Variants in CDH23 observed in about 807,000 individuals in gnomAD.
The protein encoded by CDH23 is cadherin-23.
A neutral mutation model predicts 317.1 loss-of-function variants in CDH23; 189 were observed. The ratio of observed to expected loss-of-function variants is 0.60; its 90% CI spans 0.53 to 0.67. CDH23 has a LOEUF of 0.67. CDH23 is among the 30% of genes least tolerant of loss of function. CDH23 has a pLI of 0.00. For missense variants in CDH23, 4,401 were observed against 4,592.4 expected (o/e 0.96, Z 1.20); for synonymous variants, 1,839 against 1,876.8 (o/e 0.98, Z 0.52).
At chr10:71,490,222 T>TAA (rs1253758151) in intron 3 of CDH23, among the ~76,000 whole-genome samples, 1 of 152,240 alleles carries the variant, frequency 6.6e-6, no homozygotes, top group African/African-American at 2.4e-5. Context: ...TCAGCTCATT[T>TAA]ATTCATTTAA....
chr10:71,793,144 C>T (rs1419172417), intron 47 of CDH23, 38 bp from the exon 48 acceptor site: 8 of 1,477,556 alleles, frequency 5.4e-6, no homozygotes, highest in Non-Finnish European at 6.5e-6. Flanking sequence ...CTGGAAGAGG[C>T]CACTGTGCGC....
At chr10:71,447,153 A>C (rs1850210974) in intron 3 of CDH23, among the ~76,000 whole-genome samples, 1 of 152,130 alleles carries the variant, frequency 6.6e-6, no homozygotes, top group Non-Finnish European at 1.5e-5. Context: ...CCATCTCTAC[A>C]TGTGCAAAGG....
At chr10:71,474,823 C>G (rs949221507) in intron 3 of CDH23, among the ~76,000 whole-genome samples, 1 of 152,256 alleles carries the variant, frequency 6.6e-6, no homozygotes, top group Non-Finnish European at 1.5e-5. Context: ...AGAGCCCCGG[C>G]TAGCAGGCCG....
intron 14 of CDH23, among the ~76,000 whole-genome samples, chr10:71,653,385 G>A (rs1051410807): frequency 6.6e-6 from 1 of 152,232 alleles, no homozygotes; most frequent in Non-Finnish European, 1.5e-5. Flanking sequence ...CCTCTGCTCT[G>A]TAACTGTCAG....
At chr10:71,679,840 C>G (rs1589325262) in intron 17 of CDH23, among the ~76,000 whole-genome samples, 1 of 152,216 alleles carries the variant, frequency 6.6e-6, no homozygotes, top group African/African-American at 2.4e-5. Context: ...AGCCAAGACT[C>G]CCTACTTTTT....
chr10:71,777,228 G>T (rs10999995), intron 38 of CDH23, among the ~76,000 whole-genome samples: 3 of 152,166 alleles, frequency 2.0e-5, no homozygotes, highest in Admixed American at 1.3e-4. Flanking sequence ...ATATGGCATT[G>T]GGCCGAGTGC....
At chr10:71,752,659 C>T (rs970167902) in intron 38 of CDH23, among the ~76,000 whole-genome samples, 15 of 152,182 alleles carry the variant, frequency 9.9e-5, no homozygotes, top group Non-Finnish European at 1.6e-4. Flanking sequence ...GGGCTGGGCC[C>T]GCTGGCCTCC....
chr10:71,475,429 C>G (rs759546929), intron 3 of CDH23, among the ~76,000 whole-genome samples: 1 of 152,106 alleles, frequency 6.6e-6, no homozygotes, highest in African/African-American at 2.4e-5. Flanking sequence ...TCTTGGCTCC[C>G]GAGAGGGGAG....
Position 71,694,636 on chromosome 10 carries a change from G to C in CDH23, c.2289+377G>C, listed in dbSNP as rs80188267. On this transcript the variant is annotated intron_variant, in intron 21 of 69. Coordinates refer to ENST00000224721, the MANE Select transcript of CDH23 (RefSeq NM_022124.6). ...AAGAGCAGCTCAGAGCAGGAAGCAG[G>C]GCCCTGGAGGGTCCCTGGGGGCTTG... Among the ~76,000 whole-genome samples, 938 of 152,230 alleles carry C rather than the reference G, an allele frequency of 6.2e-3. 11 individuals are homozygous for C. The highest frequency in any genetic ancestry group is 0.022 in the African/African-American group (900 of 41,536).
rs772324231 is a variant in CDH23, at chr10:71,805,950, A to C, written c.8017A>C (p.Ile2673Leu). Residue 2673 changes from isoleucine (I) to leucine (L), a missense_variant, in exon 56 of 70, where the codon ATC becomes CTC. Physicochemically the swap from Ile to Leu is conservative, Grantham distance 5. Coordinates refer to ENST00000224721, the MANE Select transcript of CDH23 (RefSeq NM_022124.6). ...CATCATCGACCCAATCAGCGGCCTC[A>C]TCCAGACTGCTCAGCGCCTGGACCG... ...FFIIDPISGL[I>L]QTAQRLDRES... 1 of 1,613,100 alleles carries C rather than the reference A, an allele frequency of 6.2e-7. No individual in the cohort carries two copies. Among genetic ancestry groups the C allele is most frequent in the Non-Finnish European group, 8.5e-7 (1 of 1,179,712 alleles).
chr10:71,683,974 G>A (rs1864765870), intron 18 of CDH23, among the ~76,000 whole-genome samples: 1 of 152,034 alleles, frequency 6.6e-6, no homozygotes, highest in Non-Finnish European at 1.5e-5. Context: ...CCAGCTACTT[G>A]GGAGGCTGAG....
intron 9 of CDH23, among the ~76,000 whole-genome samples, chr10:71,586,634 A>C (rs1406757501): frequency 6.6e-6 from 1 of 151,880 alleles, no homozygotes; most frequent in African/African-American, 2.4e-5. Context: ...CCCACACCTT[A>C]CCACCTGTGT....
At chr10:71,511,373 C>A in intron 6 of CDH23, 161 bp downstream of exon 6, 3 of 701,412 alleles carry the variant, frequency 4.3e-6, no homozygotes, top group South Asian at 1.6e-5. Flanking sequence ...CATGCTGGTA[C>A]CCTGGGAATC....
chr10:71,500,757 C>CTCTTTTCTTTTCTTTTCTTT (rs1564618256), intron 3 of CDH23, among the ~76,000 whole-genome samples: 3 of 142,262 alleles, frequency 2.1e-5, no homozygotes, highest in Admixed American at 7.1e-5. Flanking sequence ...CCCTCTGAGC[C>CTCTTTTCTTTTCTTTTCTTT]TGTTTTCTTT....
chr10:71,579,600 G>A (rs1257982842), intron 9 of CDH23, among the ~76,000 whole-genome samples: 1 of 152,144 alleles, frequency 6.6e-6, no homozygotes, highest in Non-Finnish European at 1.5e-5. Flanking sequence ...GCCCAAGAAT[G>A]GTCCTTTCTC....
chr10:71,784,959 C>T lies in CDH23; in HGVS notation c.5571C>T (p.Asn1857=), dbSNP rs1841059918. 2 of 1,613,954 alleles carry T rather than the reference C, an allele frequency of 1.2e-6. No individual in the cohort carries two copies. Among genetic ancestry groups the T allele is most frequent in the African/African-American group, 1.3e-5 (1 of 74,944 alleles). Residue 1857 remains asparagine, a synonymous_variant, in exon 43 of 70, where the codon AAC becomes AAT. Coordinates refer to ENST00000224721, the MANE Select transcript of CDH23 (RefSeq NM_022124.6). ...CTGTGCTGCTGAACCTGCCCATGAA[C>T]ATCACCATCAGCGAGAACAGCCCTG... The part of the protein sequence containing the change: ...NDPVLLNLPM[N]ITISENSPVS...
intron 11 of CDH23, among the ~76,000 whole-genome samples, chr10:71,637,930 C>T (rs1341062857): frequency 2.0e-5 from 3 of 151,716 alleles, no homozygotes; most frequent in Non-Finnish European, 4.4e-5. Context: ...CTTCCTCTTC[C>T]ATGAAAAGGA....
intron 38 of CDH23, among the ~76,000 whole-genome samples, chr10:71,770,718 G>A (rs1379940248): frequency 6.6e-6 from 1 of 152,180 alleles, no homozygotes; most frequent in Non-Finnish European, 1.5e-5. Flanking sequence ...GGATAGGGAG[G>A]TGACCCCTTT....
At chr10:71,528,572 T>C (rs192698757) in intron 6 of CDH23, among the ~76,000 whole-genome samples, 24 of 152,384 alleles carry the variant, frequency 1.6e-4, no homozygotes, top group African/African-American at 5.8e-4. Context: ...TATTGGAATG[T>C]GAAGGGTAAT....
Sources: gnomAD v4.1 joint callset for allele counts (sites outside exome capture counted in the v4.1 genomes callset) on GRCh38, gnomAD v4.1.1 for gene constraint, MANE v1.5 for transcripts, NCBI Gene and HGNC (gene_info 2026-07-23, HGNC 2026-07-21) for gene names.